WNT3: variants seen among roughly 807,000 people sequenced by gnomAD.
WNT3 encodes the protein proto-oncogene Wnt-3.
A neutral mutation model predicts 34.2 loss-of-function variants in WNT3; 7 were observed. The observed-to-expected ratio is 0.20, with a 90% CI of 0.12 to 0.38. The LOEUF (loss-of-function observed/expected upper bound fraction) is 0.38. Ranked by LOEUF, WNT3 falls within the 10% of genes least tolerant of loss-of-function variation. The probability of loss-of-function intolerance (pLI) is 1.00; values close to 1 mark genes in which losing one functional copy is unlikely to be tolerated. For synonymous variants in WNT3, 212 were observed against 211.5 expected (o/e 1.00, Z -0.02); for missense variants, 267 against 499.8 (o/e 0.53, Z 4.44).
At chr17:46,793,414 G>T in intron 1 of WNT3, among the ~76,000 whole-genome samples, 1 of 152,052 alleles carries the variant, frequency 6.6e-6, no homozygotes, top group Non-Finnish European at 1.5e-5. Flanking sequence ...CGCTGTTGGG[G>T]TTAACATCCC....
At chr17:46,809,886 C>T (rs1598797959) in intron 1 of WNT3, among the ~76,000 whole-genome samples, 1 of 152,130 alleles carries the variant, frequency 6.6e-6, no homozygotes, top group Non-Finnish European at 1.5e-5. Context: ...AGCCCCACTT[C>T]TTCCTCTGCT....
intron 1 of WNT3, among the ~76,000 whole-genome samples, chr17:46,802,178 C>T (rs374161814): frequency 7.9e-5 from 12 of 152,296 alleles, no homozygotes; most frequent in African/African-American, 2.2e-4. Flanking sequence ...AATGAGCTGA[C>T]GGAAGAGCTG....
intron 1 of WNT3, among the ~76,000 whole-genome samples, chr17:46,779,020 G>C (rs1246851666): frequency 1.4e-5 from 2 of 143,424 alleles, no homozygotes; most frequent in East Asian, 4.1e-4. Context: ...TAGTGGTAGT[G>C]TTTTCTCCAG....
At chr17:46,811,908 GA>G (rs749728033) in intron 1 of WNT3, among the ~76,000 whole-genome samples, 8 of 152,192 alleles carry the variant, frequency 5.3e-5, no homozygotes, top group Non-Finnish European at 8.8e-5. Context: ...AGTGAGCCAA[GA>G]TTGTGCCACT....
rs776319829 is a variant in WNT3 at position 46,768,812 on chromosome 17, AGT to A, written c.589-15_589-14del. The A allele has an allele frequency of 1.2e-6, 2 of 1,611,496 alleles. No homozygotes were observed. Among genetic ancestry groups the A allele is most frequent in the East Asian group, 4.5e-5 (2 of 44,844 alleles). ...GGTCCAGGATAGTCTGGGGGAGAGAAGTGGCAGCTGGCCAACAGACCGACCCC... is the reference window on the plus strand; with the variant it reads ...GGTCCAGGATAGTCTGGGGGAGAGAAGGCAGCTGGCCAACAGACCGACCCC... On this transcript the variant is annotated splice_polypyrimidine_tract_variant and intron_variant, in intron 3 of 4. Coordinates refer to ENST00000225512, the MANE Select transcript of WNT3 (RefSeq NM_030753.5). The surrounding 1 kb of genome is among the most constrained non-coding windows in gnomAD (Gnocchi z 5.0).
At position 46,769,853 on chromosome 17, in the gene WNT3, G is replaced by A. The variant is rs139902701; in HGVS notation, c.518C>T (p.Ala173Val). ...DFGVLVSREF[A>V]DARENRPDAR... ...GTCCGGCCTGTTCTCGCGCGCATCC[G>A]CGAACTCCCTGGACACTAACACGCC... Residue 173 changes from alanine to valine, a missense_variant, in exon 3 of 5, where the codon GCG becomes GTG. Physicochemically the swap from Ala to Val is moderately conservative, Grantham distance 64. Around this residue, in one of 3 missense-constraint regions of WNT3, gnomAD observed 181 missense variants for 391.3 expected, o/e 0.46. Coordinates refer to ENST00000225512, the MANE Select transcript of WNT3 (RefSeq NM_030753.5). 3.1e-5 allele frequency: 50 copies of A among 1,613,466 alleles called. No individual in the cohort carries two copies. In the African/African-American group the frequency reaches 5.7e-4, roughly 18 times the overall value.
chr17:46,797,384 A>G (rs918750839), intron 1 of WNT3, among the ~76,000 whole-genome samples: 5 of 152,172 alleles, frequency 3.3e-5, no homozygotes, highest in African/African-American at 9.7e-5. Context: ...AATCCTGGGA[A>G]GTTCAGGGCC....
chr17:46,815,183 CAAG>C (rs1296375015), intron 1 of WNT3, among the ~76,000 whole-genome samples: 3 of 151,754 alleles, frequency 2.0e-5, no homozygotes, highest in South Asian at 2.1e-4. Context: ...CCAGCGCCCC[CAAG>C]AAGAAGAAGA....
At chr17:46,791,110 C>G (rs9895396) in intron 1 of WNT3, among the ~76,000 whole-genome samples, 148,600 of 152,272 alleles carry the variant, frequency 0.98, 72,616 homozygotes, top group East Asian at 1. Context: ...CACTCTTTGG[C>G]TTCAAGGCAG....
chr17:46,777,643 A>G (rs570149247), intron 1 of WNT3, among the ~76,000 whole-genome samples: 20 of 152,350 alleles, frequency 1.3e-4, no homozygotes, highest in Non-Finnish European at 2.4e-4. Context: ...TTTATGTAGC[A>G]CTTGCTCTGT....
At chr17:46,801,269 G>C (rs1378691935) in intron 1 of WNT3, among the ~76,000 whole-genome samples, 6 of 152,226 alleles carry the variant, frequency 3.9e-5, no homozygotes, top group Admixed American at 2.0e-4. Flanking sequence ...AGGCTGAGGA[G>C]TATACAACAA....
intron 1 of WNT3, among the ~76,000 whole-genome samples, chr17:46,795,068 G>C (rs900353306): frequency 2.0e-5 from 3 of 152,002 alleles, no homozygotes; most frequent in African/African-American, 7.3e-5. Context: ...GGACATTTCT[G>C]AGACACCTGG....
At chr17:46,801,122 A>G (rs919094001) in intron 1 of WNT3, among the ~76,000 whole-genome samples, 1 of 152,182 alleles carries the variant, frequency 6.6e-6, no homozygotes, top group Non-Finnish European at 1.5e-5. Context: ...TTGCAGAGAG[A>G]AAACCAAGGC....
At chr17:46,772,401 G>A (rs2059382121) in intron 2 of WNT3, among the ~76,000 whole-genome samples, 1 of 152,212 alleles carries the variant, frequency 6.6e-6, no homozygotes, top group African/African-American at 2.4e-5. Flanking sequence ...GCCGGAGACG[G>A]GAAGAGCGAT....
chr17:46,765,841 G>T (rs537156345), intron 4 of WNT3, among the ~76,000 whole-genome samples: 51 of 152,366 alleles, frequency 3.3e-4, no homozygotes, highest in African/African-American at 1.2e-3. Flanking sequence ...ACAGAACACA[G>T]TTCTCATCCC....
intron 1 of WNT3, among the ~76,000 whole-genome samples, chr17:46,815,216 G>T (rs2084325337): frequency 6.6e-6 from 1 of 151,916 alleles, no homozygotes; most frequent in Non-Finnish European, 1.5e-5. Context: ...TTCTCCACCA[G>T]GAGCTAACTG....
chr17:46,791,293 A>C (rs2083983504), intron 1 of WNT3, among the ~76,000 whole-genome samples: 2 of 151,570 alleles, frequency 1.3e-5, no homozygotes, highest in Admixed American at 1.3e-4. Context: ...AGCTCACTGC[A>C]ACCTCCGTCT....
At position 46,797,358 on chromosome 17, in the gene WNT3, A is replaced by G. The variant is rs58168122; in HGVS notation, c.80+21160T>C. Among the ~76,000 whole-genome samples the G allele has an allele frequency of 7.7e-3, 1,168 of 152,332 alleles. 13 individuals carry two copies. Among genetic ancestry groups the G allele is most frequent in the African/African-American group, 0.027 (1,112 of 41,576 alleles). On this transcript the variant is annotated intron_variant, in intron 1 of 4. Transcript: ENST00000225512. ...GGACTCCCAGGAAGACGGCAGCTCC[A>G]GGCTGGGTTTTGAAAAATCCTGGGA...
intron 1 of WNT3, among the ~76,000 whole-genome samples, chr17:46,775,608 T>TA: frequency 6.9e-6 from 1 of 145,594 alleles, no homozygotes; most frequent in East Asian, 1.9e-4. Context: ...AGCCAGAAGT[T>TA]CTTTTTTTTT....
Sources: allele counts gnomAD v4.1 joint callset (sites outside exome capture counted in the v4.1 genomes callset), GRCh38; gene constraint gnomAD v4.1.1; regional missense constraint gnomAD v4.1.1; non-coding constraint Gnocchi (gnomAD v3.1); transcripts MANE v1.5; gene names NCBI Gene and HGNC (gene_info 2026-07-23, HGNC 2026-07-21).